The following COL24A1 variants were observed in gnomAD, a reference collection of about 807,000 sequenced individuals.
The protein encoded by COL24A1 is collagen alpha-1(XXIV) chain.
In COL24A1, 224 loss-of-function variants were observed where a neutral mutation model predicts 253.9. That is an observed-to-expected ratio of 0.88 (90% confidence interval 0.79 to 0.99). COL24A1 has a LOEUF of 0.99. Ranked by LOEUF, COL24A1 falls within the 50% of genes least tolerant of loss-of-function variation. The probability of loss-of-function intolerance (pLI) is 0.00; values close to 1 mark genes in which losing one functional copy is unlikely to be tolerated. For synonymous variants in COL24A1, 685 were observed against 673.7 expected (o/e 1.02, Z -0.26); for missense variants, 2,131 against 2,068.5 (o/e 1.03, Z -0.59).
At chr1:85,776,147 G>A (rs1238010338) in intron 52 of COL24A1, among the ~76,000 whole-genome samples, 2 of 151,944 alleles carry the variant, frequency 1.3e-5, no homozygotes, top group South Asian at 2.1e-4. Context: ...ATATGTTTCC[G>A]TGCAGTTCAA....
In COL24A1 at chr1:85,729,383, A is replaced by C. The variant is rs1047892; in HGVS notation, c.*1163T>G. ...AACTAATATTTCTCTGATAACAAGGAGACATTGAACTGGCTGAGCCTATTT... is the reference window on the plus strand; with the variant it reads ...AACTAATATTTCTCTGATAACAAGGCGACATTGAACTGGCTGAGCCTATTT... On this transcript the variant is annotated 3_prime_UTR_variant, in exon 60 of 60. Transcript: ENST00000370571. The C allele has an allele frequency of 0.46, 70,325 of 151,888 alleles. 16,541 individuals are homozygous for C. Among genetic ancestry groups the C allele is most frequent in the South Asian group, 0.58 (2,786 of 4,806 alleles). 9.4% of individuals were successfully genotyped at this position (151,888 alleles called of 1,614,324 possible).
intron 47 of COL24A1, among the ~76,000 whole-genome samples, chr1:85,804,891 G>A (rs1012208048): frequency 2.0e-5 from 3 of 151,370 alleles, no homozygotes; most frequent in African/African-American, 7.3e-5. Context: ...TTGTCACCCA[G>A]TCTGGAGTGC....
chr1:85,746,058 A>G (rs192616582), intron 55 of COL24A1, among the ~76,000 whole-genome samples: 254 of 152,306 alleles, frequency 1.7e-3, no homozygotes, highest in African/African-American at 5.9e-3. Context: ...CATTTAATAA[A>G]ATATATTTTT....
intron 24 of COL24A1, among the ~76,000 whole-genome samples, chr1:85,953,283 GC>G (rs1690106674): frequency 6.6e-6 from 1 of 152,132 alleles, no homozygotes; most frequent in South Asian, 2.1e-4. Context: ...AGTTAGAGCT[GC>G]CATTTCCTCG....
chr1:85,987,228 G>A (rs949789118), intron 20 of COL24A1, among the ~76,000 whole-genome samples: 1 of 151,806 alleles, frequency 6.6e-6, no homozygotes, highest in African/African-American at 2.4e-5. Context: ...GGACACCACA[G>A]GCTTTCTTTT....
At chr1:85,849,459 G>A in intron 37 of COL24A1, 53 bp from the exon 38 acceptor site, 1 of 1,345,384 alleles carries the variant, frequency 7.4e-7, no homozygotes. Context: ...AAGATGAGAT[G>A]GAGTATTTGA....
chr1:85,803,169 G>T (rs528112961), intron 47 of COL24A1, among the ~76,000 whole-genome samples: 14 of 152,158 alleles, frequency 9.2e-5, no homozygotes, highest in Non-Finnish European at 1.9e-4. Context: ...CAATATAGAG[G>T]CTGGGTGCAG....
chr1:85,802,960 T>A (rs1034503379), intron 47 of COL24A1, among the ~76,000 whole-genome samples: 1 of 152,230 alleles, frequency 6.6e-6, no homozygotes, highest in African/African-American at 2.4e-5. Context: ...ATTTAGCCAT[T>A]CACTTTTTGA....
intron 14 of COL24A1, among the ~76,000 whole-genome samples, chr1:86,023,479 G>A (rs1697747048): frequency 6.6e-6 from 1 of 152,082 alleles, no homozygotes. Context: ...TTTCAAATTT[G>A]CAGAATGAGA....
rs1443534587 is a variant in COL24A1 at position 86,097,571 on chromosome 1, TCCTCCTCCCC to T, written c.1600-5261_1600-5252del. On this transcript the variant is annotated intron_variant, in intron 5 of 59. Transcript: ENST00000370571. Reference sequence around the variant, plus strand: ...CCCTCCTCCTCCCTTCTCCTCCCCCTCCTCCTCCCCCCTCCTCCTCCCTCGTCCTTCTCCT... The same window carrying T: ...CCCTCCTCCTCCCTTCTCCTCCCCCTCCTCCTCCTCCCTCGTCCTTCTCCT... Among the ~76,000 whole-genome samples, 30 of 6,156 alleles carry T rather than the reference TCCTCCTCCCC, an allele frequency of 4.9e-3. 3 individuals are homozygous for T. The highest frequency in any genetic ancestry group is 0.023 in the East Asian group (3 of 128). 4.0% of individuals were successfully genotyped at this position (6,156 alleles called of 152,430 possible). A position where few individuals can be genotyped will look rare whatever the true frequency, so the allele number is the denominator to read the frequency against.
chr1:85,799,243 G>GAAAGAAAGAAAGAAAGA (rs1553180021), intron 47 of COL24A1, among the ~76,000 whole-genome samples: 1 of 137,114 alleles, frequency 7.3e-6, no homozygotes, highest in Non-Finnish European at 1.7e-5. Flanking sequence ...AAGAAAGAAA[G>GAAAGAAAGAAAGAAAGA]AAAGAAAAGA....
intron 43 of COL24A1, among the ~76,000 whole-genome samples, chr1:85,836,253 C>T (rs1056485115): frequency 2.6e-5 from 4 of 152,060 alleles, no homozygotes; most frequent in Admixed American, 2.0e-4. Flanking sequence ...TGTTAATCTG[C>T]CTTTTGTTAC....
chr1:85,855,304 G>T (rs886159589), intron 37 of COL24A1, among the ~76,000 whole-genome samples: 6 of 152,136 alleles, frequency 3.9e-5, no homozygotes, highest in African/African-American at 1.4e-4. Context: ...CTCTCAAGGG[G>T]AATGCTTCCA....
At chr1:85,761,242 TG>T (rs1312240003) in intron 55 of COL24A1, among the ~76,000 whole-genome samples, 153 bp downstream of exon 55, 3 of 152,140 alleles carry the variant, frequency 2.0e-5, no homozygotes, top group Non-Finnish European at 1.5e-5. Context: ...ATTTCATGTT[TG>T]TGTAGCTGGG....
intron 37 of COL24A1, among the ~76,000 whole-genome samples, chr1:85,862,140 C>T (rs1368363480): frequency 1.3e-5 from 2 of 152,060 alleles, no homozygotes; most frequent in South Asian, 2.1e-4. Context: ...TGTTTATTTC[C>T]ATTATTGCAT....
rs185044601 is a variant in COL24A1 at position 85,940,501 on chromosome 1, A to G, written c.2562+20748T>C. On this transcript the variant is annotated intron_variant, in intron 24 of 59. Transcript: ENST00000370571. Reference sequence around the variant, plus strand: ...AGAAACATATTTGAGAGCATAATACATGCAAGGCATGCTAAATAATGTAAA... The same window carrying G: ...AGAAACATATTTGAGAGCATAATACGTGCAAGGCATGCTAAATAATGTAAA... Among the ~76,000 whole-genome samples the G allele has an allele frequency of 3.9e-5, 6 of 151,970 alleles. No individual in the cohort carries two copies. In the East Asian group the frequency reaches 1.2e-3, roughly 29 times the overall value.
At chr1:85,825,814 C>T (rs56711075) in intron 43 of COL24A1, among the ~76,000 whole-genome samples, 5,455 of 100,724 alleles carry the variant, frequency 0.054, 521 homozygotes, top group African/African-American at 0.19. Flanking sequence ...ATTGTAGATT[C>T]TGGATATTAG....
intron 24 of COL24A1, among the ~76,000 whole-genome samples, chr1:85,952,337 A>G (rs1690018247): frequency 6.6e-6 from 1 of 152,220 alleles, no homozygotes; most frequent in South Asian, 2.1e-4. Context: ...AGGAAAAAAA[A>G]TGATACATTC....
chr1:85,762,014 T>G (rs1666895173), intron 53 of COL24A1, among the ~76,000 whole-genome samples: 1 of 152,186 alleles, frequency 6.6e-6, no homozygotes, highest in African/African-American at 2.4e-5. Flanking sequence ...ACTTCTCCAT[T>G]TTTATTGATA....
Sources: allele counts gnomAD v4.1 joint callset (sites outside exome capture counted in the v4.1 genomes callset), GRCh38; gene constraint gnomAD v4.1.1; transcripts MANE v1.5; gene names NCBI Gene and HGNC (gene_info 2026-07-23, HGNC 2026-07-21).